LRMDA: variants seen among roughly 807,000 people sequenced by gnomAD.
LRMDA encodes leucine-rich melanocyte differentiation-associated protein.
In LRMDA, 18 loss-of-function variants were observed where a neutral mutation model predicts 29.8. The observed-to-expected ratio is 0.60, with a 90% CI of 0.42 to 0.90. The LOEUF (loss-of-function observed/expected upper bound fraction) is 0.90. Ranked by LOEUF, LRMDA falls within the 40% of genes least tolerant of loss-of-function variation. The probability of loss-of-function intolerance (pLI) is 0.00; values close to 1 mark genes in which losing one functional copy is unlikely to be tolerated. For synonymous variants in LRMDA, 125 were observed against 109.4 expected, an observed-to-expected ratio of 1.14 and a Z score of -0.89; for missense variants, 273 against 273.9, an observed-to-expected ratio of 1.00 and a Z score of 0.02.
At chr10:75,468,450 C>G (rs996863860) in intron 2 of LRMDA, among the ~76,000 whole-genome samples, 2 of 152,010 alleles carry the variant, frequency 1.3e-5, no homozygotes, top group Non-Finnish European at 2.9e-5. Flanking sequence ...GGAAAGAGCC[C>G]TTCCAGAAGG....
intron 2 of LRMDA, among the ~76,000 whole-genome samples, chr10:75,993,844 T>G (rs936997694): frequency 6.6e-6 from 1 of 152,178 alleles, no homozygotes; most frequent in Non-Finnish European, 1.5e-5. Flanking sequence ...AAGAGTGTCT[T>G]AGGAGAGGAA....
chr10:75,872,492 G>T (rs1485960619), intron 2 of LRMDA, among the ~76,000 whole-genome samples: 1 of 152,010 alleles, frequency 6.6e-6, no homozygotes, highest in African/African-American at 2.4e-5. Context: ...TTTTAGTAGA[G>T]ATGGGGTTTC....
At chr10:76,304,550 A>G (rs950439092) in intron 5 of LRMDA, among the ~76,000 whole-genome samples, 1 of 152,140 alleles carries the variant, frequency 6.6e-6, no homozygotes, top group Admixed American at 6.5e-5. Context: ...GGGTTGGGGT[A>G]TGGGGTAGAG....
At chr10:76,389,673 A>G (rs1470928098) in intron 6 of LRMDA, among the ~76,000 whole-genome samples, 2 of 152,104 alleles carry the variant, frequency 1.3e-5, no homozygotes, top group African/African-American at 4.8e-5. Context: ...TCTACTTTCT[A>G]TATCTGTGAA....
chr10:75,505,701 A>G (rs1845162305), intron 2 of LRMDA, among the ~76,000 whole-genome samples: 2 of 152,066 alleles, frequency 1.3e-5, no homozygotes, highest in Non-Finnish European at 2.9e-5. Flanking sequence ...TTCCCTGACC[A>G]GCTGATTCCT....
intron 2 of LRMDA, among the ~76,000 whole-genome samples, chr10:76,030,483 AG>A (rs1848131580): frequency 6.6e-6 from 1 of 152,230 alleles, no homozygotes; most frequent in African/African-American, 2.4e-5. Context: ...TATCTCTTAC[AG>A]GACTAGGTAA....
chr10:75,758,194 G>A (rs941139697), intron 2 of LRMDA, among the ~76,000 whole-genome samples: 1 of 152,222 alleles, frequency 6.6e-6, no homozygotes, highest in Non-Finnish European at 1.5e-5. Context: ...AAGGGTGTGA[G>A]GGGGGTGACG....
chr10:75,826,304 G>C (rs1054016615), intron 2 of LRMDA, among the ~76,000 whole-genome samples: 7 of 152,188 alleles, frequency 4.6e-5, no homozygotes, highest in Admixed American at 4.6e-4. Flanking sequence ...TGCAGGACTG[G>C]TGCTAAGAAT....
chr10:75,616,885 G>T (rs754296512), intron 2 of LRMDA, among the ~76,000 whole-genome samples: 7 of 152,220 alleles, frequency 4.6e-5, no homozygotes, highest in Non-Finnish European at 7.3e-5. Flanking sequence ...CTGCCAGGGT[G>T]TCTGAAATTC....
At chr10:75,748,512 A>G (rs1842916000) in intron 2 of LRMDA, among the ~76,000 whole-genome samples, 1 of 152,148 alleles carries the variant, frequency 6.6e-6, no homozygotes. Context: ...TTGGAGTCCA[A>G]TTATAGAAAT....
chr10:75,773,617 C>T (rs748507750), intron 2 of LRMDA, among the ~76,000 whole-genome samples: 1 of 152,178 alleles, frequency 6.6e-6, no homozygotes, highest in East Asian at 1.9e-4. Context: ...TCTAGGCCTG[C>T]GGTGAGGCCA....
At chr10:76,030,966 C>G (rs2132501370) in intron 2 of LRMDA, among the ~76,000 whole-genome samples, 1 of 152,298 alleles carries the variant, frequency 6.6e-6, no homozygotes, top group Middle Eastern at 3.4e-3. Flanking sequence ...ACAGACATTT[C>G]CCAAGGAGCT....
intron 5 of LRMDA, among the ~76,000 whole-genome samples, chr10:76,150,869 C>T (rs1328092680): frequency 6.6e-6 from 1 of 152,220 alleles, no homozygotes; most frequent in Non-Finnish European, 1.5e-5. Flanking sequence ...GCGCCAAATG[C>T]TGCATCCACT....
intron 2 of LRMDA, among the ~76,000 whole-genome samples, chr10:75,667,323 T>G (rs1160595436): frequency 6.6e-6 from 1 of 152,162 alleles, no homozygotes; most frequent in Non-Finnish European, 1.5e-5. Context: ...AATTAATTTT[T>G]GGGACAGGCC....
intron 2 of LRMDA, among the ~76,000 whole-genome samples, chr10:75,583,259 A>G (rs1376582966): frequency 6.6e-6 from 1 of 152,160 alleles, no homozygotes; most frequent in Non-Finnish European, 1.5e-5. Flanking sequence ...TCATGCTGCT[A>G]TAAAGAAATA....
At chr10:76,169,769 A>C (rs1197196827) in intron 5 of LRMDA, among the ~76,000 whole-genome samples, 1 of 152,202 alleles carries the variant, frequency 6.6e-6, no homozygotes, top group Non-Finnish European at 1.5e-5. Flanking sequence ...AAGGGTTTAA[A>C]AGCTAGTGAA....
At chr10:75,750,438 C>A (rs188146649) in intron 2 of LRMDA, among the ~76,000 whole-genome samples, 1 of 136,844 alleles carries the variant, frequency 7.3e-6, no homozygotes, top group Non-Finnish European at 1.5e-5. Context: ...AGTTCCCAGA[C>A]GGGGTCGCGG....
chr10:75,457,791 A>G (rs1844537888), intron 2 of LRMDA, among the ~76,000 whole-genome samples: 1 of 152,216 alleles, frequency 6.6e-6, no homozygotes, highest in African/African-American at 2.4e-5. Context: ...CTCACTCCTC[A>G]GAGTGTTTCT....
intron 2 of LRMDA, among the ~76,000 whole-genome samples, chr10:75,823,872 A>G (rs1844207443): frequency 6.6e-6 from 1 of 152,176 alleles, no homozygotes; most frequent in Non-Finnish European, 1.5e-5. Context: ...CATTATCCTT[A>G]GTGAAATGAC....
Sources: gnomAD v4.1 joint callset for allele counts (sites outside exome capture counted in the v4.1 genomes callset) on GRCh38, gnomAD v4.1.1 for gene constraint, MANE v1.5 for transcripts, NCBI Gene and HGNC (gene_info 2026-07-23, HGNC 2026-07-21) for gene names.